The following GALNT13 variants were observed in gnomAD, a reference collection of about 807,000 sequenced individuals.
The protein encoded by GALNT13 is polypeptide N-acetylgalactosaminyltransferase 13.
In GALNT13, 28 loss-of-function variants were observed where a neutral mutation model predicts 64.2. The ratio of observed to expected loss-of-function variants is 0.44; its 90% CI spans 0.32 to 0.60. The LOEUF is 0.60. GALNT13 is among the 20% of genes least tolerant of loss of function. The pLI, the probability that GALNT13 is intolerant of heterozygous loss-of-function variation, is 0.05. For synonymous variants in GALNT13, 214 were observed against 224.6 expected (o/e 0.95, Z 0.42); for missense variants, 577 against 669.8 (o/e 0.86, Z 1.53).
At chr2:153,306,733 G>A in the GALNT13 span, among the ~76,000 whole-genome samples, 3 of 152,090 alleles carry the variant, frequency 2.0e-5, no homozygotes, top group Admixed American at 6.6e-5. Context: ...ATAGGAGATC[G>A]TGCTTTATTC....
At chr2:153,947,255 G>C (rs1206341433) in intron 3 of GALNT13, among the ~76,000 whole-genome samples, 1 of 151,968 alleles carries the variant, frequency 6.6e-6, no homozygotes, top group African/African-American at 2.4e-5. Context: ...AAGGGAACAA[G>C]GCTCCCACCT....
chr2:154,343,513 T>C (rs1166576282), intron 9 of GALNT13, among the ~76,000 whole-genome samples: 3 of 152,178 alleles, frequency 2.0e-5, no homozygotes, highest in Middle Eastern at 3.4e-3. Context: ...GCTAGAGCTT[T>C]TATTTCTTAA....
At chr2:153,630,812 T>TTATTTATTTA in the GALNT13 span, among the ~76,000 whole-genome samples, 64 of 35,226 alleles carry the variant, frequency 1.8e-3, 1 homozygote, top group African/African-American at 2.4e-3. Context: ...TATATATTTT[T>TTATTTATTTA]TTTTTTTTTT....
chr2:153,581,737 T>C, the GALNT13 span, among the ~76,000 whole-genome samples: 1 of 152,140 alleles, frequency 6.6e-6, no homozygotes, highest in Non-Finnish European at 1.5e-5. Context: ...GATTTATTGA[T>C]GTCTTACTAT....
intron 1 of GALNT13, among the ~76,000 whole-genome samples, chr2:153,875,674 T>A (rs1004147294): frequency 6.6e-6 from 1 of 152,186 alleles, no homozygotes; most frequent in Non-Finnish European, 1.5e-5. Context: ...TCTTTATGAA[T>A]GGGCAGATGA....
At chr2:153,685,676 C>A in the GALNT13 span, among the ~76,000 whole-genome samples, 1 of 151,926 alleles carries the variant, frequency 6.6e-6, no homozygotes, top group Non-Finnish European at 1.5e-5. Flanking sequence ...TAATTAGACC[C>A]CATTTGTCAA....
At chr2:153,970,547 C>A (rs928046949) in intron 3 of GALNT13, among the ~76,000 whole-genome samples, 1 of 152,006 alleles carries the variant, frequency 6.6e-6, no homozygotes, top group African/African-American at 2.4e-5. Flanking sequence ...ATTTATATGC[C>A]TTATCATAAA....
At chr2:153,624,418 A>T in the GALNT13 span, among the ~76,000 whole-genome samples, 1 of 152,096 alleles carries the variant, frequency 6.6e-6, no homozygotes, top group Admixed American at 6.6e-5. Context: ...GGATAATGGA[A>T]TACAAACAAA....
the GALNT13 span, among the ~76,000 whole-genome samples, chr2:153,400,566 T>C: frequency 2.6e-5 from 4 of 152,152 alleles, no homozygotes; most frequent in African/African-American, 9.7e-5. Flanking sequence ...GGACTCTTTT[T>C]GGTTGGTAAG....
intron 4 of GALNT13, among the ~76,000 whole-genome samples, chr2:154,149,366 C>T (rs1041178813): frequency 1.2e-4 from 19 of 152,236 alleles, no homozygotes; most frequent in African/African-American, 4.6e-4. Context: ...TAGCGTGATG[C>T]CTCCAGCTTT....
chr2:153,313,187 G>A, the GALNT13 span, among the ~76,000 whole-genome samples: 1 of 152,058 alleles, frequency 6.6e-6, no homozygotes, highest in Non-Finnish European at 1.5e-5. Flanking sequence ...TTCATTACTG[G>A]ATATATACTC....
At chr2:153,629,342 C>T in the GALNT13 span, among the ~76,000 whole-genome samples, 1 of 151,694 alleles carries the variant, frequency 6.6e-6, no homozygotes, top group Non-Finnish European at 1.5e-5. Context: ...GAAATAACGC[C>T]ACATATCTAC....
chr2:154,173,172 C>T (rs1685458574), intron 4 of GALNT13, among the ~76,000 whole-genome samples: 1 of 151,604 alleles, frequency 6.6e-6, no homozygotes, highest in African/African-American at 2.4e-5. Context: ...GATATAAATC[C>T]ACGTATTTAC....
the GALNT13 span, among the ~76,000 whole-genome samples, chr2:153,283,971 A>G: frequency 6.6e-6 from 1 of 152,162 alleles, no homozygotes; most frequent in Admixed American, 6.5e-5. Flanking sequence ...ACTACAATTT[A>G]AGCTCAGGAA....
At chr2:154,277,114 T>C (rs1211380640) in intron 8 of GALNT13, among the ~76,000 whole-genome samples, 1 of 152,210 alleles carries the variant, frequency 6.6e-6, no homozygotes, top group East Asian at 1.9e-4. Flanking sequence ...TTGTTTTCCC[T>C]ATGGAAGATT....
chr2:153,783,097 G>A, the GALNT13 span, among the ~76,000 whole-genome samples: 9 of 152,192 alleles, frequency 5.9e-5, no homozygotes, highest in Non-Finnish European at 1.0e-4. Flanking sequence ...TTCATCCAAA[G>A]TGCTGATGGA....
At chr2:153,879,381 T>TGA (rs1491539326) in intron 1 of GALNT13, among the ~76,000 whole-genome samples, 12 of 144,156 alleles carry the variant, frequency 8.3e-5, no homozygotes, top group African/African-American at 2.8e-4. Context: ...TGTGTGTGTG[T>TGA]GCATGTGTGT....
chr2:154,104,084 G>A (rs1054285230), intron 3 of GALNT13, among the ~76,000 whole-genome samples: 1 of 151,964 alleles, frequency 6.6e-6, no homozygotes, highest in African/African-American at 2.4e-5. Context: ...ACCAGCTTGG[G>A]TGCAGACGGA....
At chr2:153,581,502 C>T in the GALNT13 span, among the ~76,000 whole-genome samples, 2 of 151,820 alleles carry the variant, frequency 1.3e-5, no homozygotes, top group East Asian at 1.9e-4. Flanking sequence ...TTTAAATTGG[C>T]ATTGGTTTAT....
Sources: allele counts gnomAD v4.1 joint callset (sites outside exome capture counted in the v4.1 genomes callset), GRCh38; gene constraint gnomAD v4.1.1; transcripts MANE v1.5; gene names NCBI Gene and HGNC (gene_info 2026-07-23, HGNC 2026-07-21).